Variants in CYP2C18 observed in about 807,000 individuals in gnomAD.
CYP2C18 encodes the protein cytochrome P450 family 2 subfamily C member 18.
Under a neutral mutation model 41.3 loss-of-function variants are expected in CYP2C18, and 38 were observed. The observed-to-expected ratio is 0.92, with a 90% CI of 0.71 to 1.21. The LOEUF is 1.21. Ranked by LOEUF, CYP2C18 falls within the 50% of genes most tolerant of loss-of-function variation. CYP2C18 has a pLI of 0.00. For synonymous variants in CYP2C18, 236 were observed against 210.0 expected (o/e 1.12, Z -1.07); for missense variants, 635 against 591.4 (o/e 1.07, Z -0.77).
intron 5 of CYP2C18, among the ~76,000 whole-genome samples, chr10:94,708,061 C>T (rs576417143): frequency 6.6e-6 from 1 of 152,162 alleles, no homozygotes; most frequent in Non-Finnish European, 1.5e-5. Flanking sequence ...CTGAAGCCAC[C>T]ATTATTTTAT....
At chr10:94,693,936 G>A (rs750924348) in intron 3 of CYP2C18, among the ~76,000 whole-genome samples, 18 of 152,050 alleles carry the variant, frequency 1.2e-4, no homozygotes, top group Non-Finnish European at 2.4e-4. Flanking sequence ...ACTGTATCAG[G>A]GAGATAATAA....
intron 7 of CYP2C18, among the ~76,000 whole-genome samples, chr10:94,729,589 G>A (rs1847796272): frequency 6.6e-6 from 1 of 152,130 alleles, no homozygotes; most frequent in African/African-American, 2.4e-5. Flanking sequence ...GTAAAGAGAA[G>A]CCTTTTGCTT....
At chr10:94,705,073 G>A (rs748319358) in intron 4 of CYP2C18, among the ~76,000 whole-genome samples, 1 of 152,172 alleles carries the variant, frequency 6.6e-6, no homozygotes, top group African/African-American at 2.4e-5. Context: ...TCCACTGCGA[G>A]CAGGGCTGCC....
chr10:94,713,260 C>T (rs991780414), intron 5 of CYP2C18, among the ~76,000 whole-genome samples: 3 of 151,842 alleles, frequency 2.0e-5, no homozygotes, highest in African/African-American at 7.3e-5. Flanking sequence ...TATACATGTG[C>T]CATGTAGGTG....
chr10:94,693,594 G>GCA (rs371487811), intron 3 of CYP2C18, among the ~76,000 whole-genome samples: 41 of 152,026 alleles, frequency 2.7e-4, no homozygotes, highest in East Asian at 5.8e-4. Flanking sequence ...ATGCATGCAT[G>GCA]CACACACACA....
At chr10:94,701,446 A>G (rs1847243220) in intron 4 of CYP2C18, among the ~76,000 whole-genome samples, 1 of 152,098 alleles carries the variant, frequency 6.6e-6, no homozygotes, top group South Asian at 2.1e-4. Flanking sequence ...GGGAAGGGGA[A>G]CATCACACAC....
intron 3 of CYP2C18, among the ~76,000 whole-genome samples, chr10:94,689,712 A>C (rs1846962126): frequency 6.6e-6 from 1 of 152,142 alleles, no homozygotes. Flanking sequence ...GAATATTGAC[A>C]AGAAAAAAGG....
rs752132200 is a variant in CYP2C18, at chr10:94,735,384, C to T, written c.1413C>T (p.Pro471=). 2 of 1,613,762 alleles carry T rather than the reference C, an allele frequency of 1.2e-6. No homozygotes were observed. The highest frequency in any genetic ancestry group is 1.7e-6 in the Non-Finnish European group (2 of 1,179,742). The change falls in exon 9 of 9, where the codon CCC becomes CCT. Residue 471 remains proline (P), a synonymous_variant. Transcript: ENST00000285979. The part of the protein sequence containing the change: ...QVDPKDIDIT[P]IANAFGRVPP... Reference sequence around the variant, plus strand: ...ACCCAAAGGATATTGACATCACCCCCATTGCCAATGCATTTGGTCGTGTGC... The same window carrying T: ...ACCCAAAGGATATTGACATCACCCCTATTGCCAATGCATTTGGTCGTGTGC...
rs1847354634 is a variant in CYP2C18, at chr10:94,706,915, C to G, written c.774C>G (p.Asn258Lys). 1.2e-6 allele frequency: 2 copies of G among 1,612,528 alleles called. No homozygotes were observed. Among genetic ancestry groups the G allele is most frequent in the East Asian group, 4.5e-5 (2 of 44,706 alleles). Residue 258 changes from asparagine to lysine, a missense_variant, in exon 5 of 9, where the codon AAC (asparagine) becomes AAG (lysine). Transcript: ENST00000285979. ...AACATCAAGAATCCCTGGACATGAA[C>G]AGTGCTCGGGACTTTATTGATTGTT... ...IKEHQESLDMNSARDFIDCFL... is the reference protein window; with the variant it reads ...IKEHQESLDMKSARDFIDCFL...
In CYP2C18 at chr10:94,706,847, A is replaced by C; in HGVS notation, c.706A>C (p.Asn236His). 1 of 1,609,772 alleles carries C rather than the reference A, an allele frequency of 6.2e-7. No individual in the cohort carries two copies. Among genetic ancestry groups the C allele is most frequent in the Non-Finnish European group, 8.5e-7 (1 of 1,176,634 alleles). ...AGGAAGTCATAATAAAATAGCTGAA[A>C]ATTTTGCTTACATTAAAAGTTATGT... ...LPGSHNKIAE[N>H]FAYIKSYVLE... The change falls in exon 5 of 9, where the codon AAT becomes CAT. Residue 236 changes from asparagine to histidine, a missense_variant. Transcript: ENST00000285979.
At chr10:94,686,908 G>T (rs1425815708) in intron 1 of CYP2C18, among the ~76,000 whole-genome samples, 1 of 152,158 alleles carries the variant, frequency 6.6e-6, no homozygotes, top group Non-Finnish European at 1.5e-5. Context: ...ATTTTGAGAA[G>T]TCAGTCACTG....
At chr10:94,687,733 G>A (rs1846916020) in intron 1 of CYP2C18, 37 bp from the exon 2 acceptor site, 2 of 1,576,420 alleles carry the variant, frequency 1.3e-6, no homozygotes, top group Admixed American at 3.5e-5. Context: ...CAAATACTGA[G>A]TTTTGCTACT....
At position 94,683,988 on chromosome 10, in the gene CYP2C18, G is replaced by GT; in HGVS notation, c.168+2dup. 2 of 1,596,658 alleles carry GT rather than the reference G, an allele frequency of 1.3e-6. No individual in the cohort carries two copies. Among genetic ancestry groups the GT allele is most frequent in the Non-Finnish European group, 8.5e-7 (1 of 1,170,382 alleles). On this transcript the variant is annotated splice_donor_variant, in intron 1 of 8. Coordinates refer to ENST00000285979, the MANE Select transcript of CYP2C18 (RefSeq NM_000772.3). LOFTEE classifies it high-confidence loss of function. ...GGACATGAGCAAATCCTTAACCAAT[G>GT]TAAGTATGCTTTATGTTCCTCCAGT...
intron 3 of CYP2C18, among the ~76,000 whole-genome samples, chr10:94,693,465 G>A (rs776475883): frequency 2.0e-5 from 3 of 152,080 alleles, no homozygotes; most frequent in Non-Finnish European, 4.4e-5. Flanking sequence ...CTAGTCTCAG[G>A]TATTTCTTTA....
At chr10:94,730,573 TA>T (rs2134210341) in intron 7 of CYP2C18, among the ~76,000 whole-genome samples, 1 of 152,298 alleles carries the variant, frequency 6.6e-6, no homozygotes, top group Admixed American at 6.5e-5. Context: ...CCCCACTTTT[TA>T]ATAGCCACAG....
intron 4 of CYP2C18, among the ~76,000 whole-genome samples, chr10:94,702,005 AT>A (rs900161964): frequency 2.0e-5 from 3 of 151,950 alleles, no homozygotes; most frequent in Non-Finnish European, 4.4e-5. Context: ...TAAAAAAAAA[AT>A]AAAAAAGAAA....
In CYP2C18 at chr10:94,695,279, C is replaced by T. The variant is rs1413276434; in HGVS notation, c.642+202C>T. Among the ~76,000 whole-genome samples the T allele has an allele frequency of 7.9e-5, 12 of 152,102 alleles. 1 individual carries two copies. The highest frequency in any genetic ancestry group is 2.0e-4 in the Admixed American group (3 of 15,274). The stretch of plus-strand genomic sequence containing the variant: ...TCTATATTAGGTATTTCTCCTAATG[C>T]TATCCCTCCCTTTACCCCCAATCAC... On this transcript the variant is annotated intron_variant, in intron 4 of 8. Transcript: ENST00000285979.
intron 4 of CYP2C18, among the ~76,000 whole-genome samples, chr10:94,697,795 G>A (rs1847149194): frequency 6.6e-6 from 1 of 152,116 alleles, no homozygotes; most frequent in Non-Finnish European, 1.5e-5. Flanking sequence ...GATCTACCAA[G>A]CAAATGGAAA....
chr10:94,695,667 G>A (rs1323572713), intron 4 of CYP2C18, among the ~76,000 whole-genome samples: 1 of 152,066 alleles, frequency 6.6e-6, no homozygotes, highest in East Asian at 1.9e-4. Flanking sequence ...ATGAGCATGA[G>A]CCAAAGCAGG....
Sources: allele counts gnomAD v4.1 joint callset (sites outside exome capture counted in the v4.1 genomes callset), GRCh38; gene constraint gnomAD v4.1.1; transcripts MANE v1.5; gene names NCBI Gene and HGNC (gene_info 2026-07-23, HGNC 2026-07-21).